STAT4: variants seen among roughly 807,000 people sequenced by gnomAD.
STAT4 encodes signal transducer and activator of transcription 4.
A neutral mutation model predicts 110.5 loss-of-function variants in STAT4; 42 were observed. The ratio of observed to expected loss-of-function variants is 0.38; its 90% CI spans 0.30 to 0.49. The LOEUF is 0.49. Among genes scored for constraint, STAT4 ranks in the 20% least tolerant of loss-of-function variants. STAT4 has a pLI of 0.95. For missense variants in STAT4, 632 were observed against 887.9 expected (o/e 0.71, Z 3.66); for synonymous variants, 284 against 302.2 (o/e 0.94, Z 0.63).
intron 3 of STAT4, among the ~76,000 whole-genome samples, chr2:191,145,731 A>G (rs1027285716): frequency 7.9e-5 from 12 of 152,216 alleles, no homozygotes. Context: ...AAATGTGTTA[A>G]TTGTAGGTTT....
chr2:191,119,478 T>C (rs1698660766), intron 3 of STAT4, among the ~76,000 whole-genome samples: 1 of 152,162 alleles, frequency 6.6e-6, no homozygotes, highest in Non-Finnish European at 1.5e-5. Flanking sequence ...TCATAAGACA[T>C]GAAAGACTTA....
chr2:191,101,689 A>AT (rs966537417), intron 3 of STAT4, among the ~76,000 whole-genome samples: 112 of 151,326 alleles, frequency 7.4e-4, no homozygotes, highest in African/African-American at 2.3e-3. Context: ...ACTACTGGTC[A>AT]TTTTTTTTTG....
intron 1 of STAT4, among the ~76,000 whole-genome samples, chr2:191,149,901 G>GTTTTAGT (rs1186478131): frequency 6.6e-6 from 1 of 152,112 alleles, no homozygotes; most frequent in Admixed American, 6.5e-5. Flanking sequence ...AAACTTACAG[G>GTTTTAGT]TAGATGGGAG....
upstream of STAT4, chr2:191,151,071 T>C: frequency 1.0e-6 from 1 of 985,478 alleles, no homozygotes; most frequent in Non-Finnish European, 1.2e-6. This position sits in a 1 kb window ranked among gnomAD's most constrained non-coding sequence, Gnocchi z 4.7. Context: ...CTCCTCCCAC[T>C]TGAGGCTTTC....
At chr2:191,052,511 CAG>C (rs1415845058) in intron 14 of STAT4, among the ~76,000 whole-genome samples, 2 of 152,116 alleles carry the variant, frequency 1.3e-5, no homozygotes, top group African/African-American at 2.4e-5. Flanking sequence ...GTTAATAACA[CAG>C]TGGTTGGTTT....
rs1418904035 is a variant in STAT4, at chr2:191,146,572, CAT to C, written c.273+39_273+40del. The C allele has an allele frequency of 1.4e-6, 2 of 1,414,150 alleles. No individual in the cohort carries two copies. The highest frequency in any genetic ancestry group is 1.9e-6 in the Non-Finnish European group (2 of 1,074,238). 87.6% of individuals were successfully genotyped at this position (1,414,150 alleles called of 1,614,324 possible). ...TTAATTTTTAACTAAATTTAAGACT[CAT>C]ATATCCAAATATTTTGGAAAAGTAG... On this transcript the variant is annotated intron_variant, in intron 3 of 23. Transcript: ENST00000392320. This position sits in a 1 kb window ranked among gnomAD's most constrained non-coding sequence, Gnocchi z 4.5.
intron 3 of STAT4, among the ~76,000 whole-genome samples, chr2:191,097,510 G>C (rs1698025963): frequency 6.6e-6 from 1 of 152,080 alleles, no homozygotes; most frequent in African/African-American, 2.4e-5. Flanking sequence ...AGAAAAACAA[G>C]AAATGGGGAA....
intron 3 of STAT4, among the ~76,000 whole-genome samples, chr2:191,092,288 C>T (rs1697822340): frequency 6.6e-6 from 1 of 152,102 alleles, no homozygotes; most frequent in South Asian, 2.1e-4. Context: ...CCTGTAATCC[C>T]AGCTACTGAG....
At chr2:191,106,414 C>T (rs1698282443) in intron 3 of STAT4, among the ~76,000 whole-genome samples, 2 of 150,790 alleles carry the variant, frequency 1.3e-5, no homozygotes, top group East Asian at 3.9e-4. Context: ...AATTCCAGCA[C>T]TTTGGAATGC....
rs1242886564 is a variant in STAT4, at chr2:191,089,536, T to C, written c.274-13211A>G. ...AACTAAACATACTCTTGTAATATGATTCAGCAATTGCACCCCTTGGTATTT... is the reference window on the plus strand; with the variant it reads ...AACTAAACATACTCTTGTAATATGACTCAGCAATTGCACCCCTTGGTATTT... On this transcript the variant is annotated intron_variant, in intron 3 of 23. Transcript: ENST00000392320. Among the ~76,000 whole-genome samples, 4 of 152,216 alleles carry C rather than the reference T, an allele frequency of 2.6e-5. No individual in the cohort carries two copies. In the East Asian group the frequency reaches 7.7e-4, roughly 29 times the overall value.
intron 14 of STAT4, among the ~76,000 whole-genome samples, chr2:191,048,722 G>A (rs1266234623): frequency 1.4e-5 from 2 of 140,536 alleles, no homozygotes; most frequent in Admixed American, 7.6e-5. Flanking sequence ...GGAGGCGGAG[G>A]TTGCAGTGAG....
intron 3 of STAT4, among the ~76,000 whole-genome samples, chr2:191,133,685 C>A (rs1256999331): frequency 6.6e-6 from 1 of 151,330 alleles, no homozygotes; most frequent in Non-Finnish European, 1.5e-5. Context: ...TTTCTTAAGT[C>A]ATTCTATCTG....
In STAT4 at chr2:191,066,665, C is replaced by T. The variant is rs1696995561; in HGVS notation, c.545-150G>A. The T allele has an allele frequency of 4.9e-6, 3 of 615,830 alleles. No individual in the cohort carries two copies. Among genetic ancestry groups the T allele is most frequent in the Non-Finnish European group, 8.3e-6 (3 of 359,634 alleles). 38.1% of individuals were successfully genotyped at this position (615,830 alleles called of 1,614,324 possible). On this transcript the variant is annotated intron_variant, in intron 6 of 23. Transcript: ENST00000392320. This position sits in a 1 kb window ranked among gnomAD's most constrained non-coding sequence, Gnocchi z 4.3. ...ACTAGAGGTGAGCTTGGAAGTCTGTCTGCTCATTTTGCCAGGGAGAATCAC... is the reference window on the plus strand; with the variant it reads ...ACTAGAGGTGAGCTTGGAAGTCTGTTTGCTCATTTTGCCAGGGAGAATCAC...
At chr2:191,127,199 T>C (rs974489361) in intron 3 of STAT4, among the ~76,000 whole-genome samples, 1 of 152,192 alleles carries the variant, frequency 6.6e-6, no homozygotes, top group Non-Finnish European at 1.5e-5. Flanking sequence ...TGGGTCTTCC[T>C]AGAGAGAAAA....
chr2:191,058,830 T>G lies in STAT4; in HGVS notation c.1035-61A>C. The G allele has an allele frequency of 1.0e-6, 1 of 964,586 alleles. No individual in the cohort carries two copies. The highest frequency in any genetic ancestry group is 2.7e-5 in the East Asian group (1 of 37,634). 59.8% of individuals were successfully genotyped at this position (964,586 alleles called of 1,614,324 possible). ...AAAATTAAAAGTGTTTAAAAACCCT[T>G]TTTTATATTTAAACATTTAAATATA... On this transcript the variant is annotated intron_variant, in intron 10 of 23. Transcript: ENST00000392320. The surrounding 1 kb of genome is among the most constrained non-coding windows in gnomAD (Gnocchi z 4.3).
In STAT4 at chr2:191,066,416, A is replaced by G. The variant is rs1399508348; in HGVS notation, c.630+14T>C. The G allele has an allele frequency of 1.9e-6, 3 of 1,610,704 alleles. No individual in the cohort carries two copies. In the African/African-American group the frequency reaches 4.0e-5, roughly 21 times the overall value. ...AAAAATAGGCAAAAGCCCAAATTAA[A>G]ATTCTTCACTAACCTTTCTCTTGAA... is the stretch of plus-strand genomic sequence containing the variant. On this transcript the variant is annotated intron_variant, in intron 7 of 23. Transcript: ENST00000392320. This position sits in a 1 kb window ranked among gnomAD's most constrained non-coding sequence, Gnocchi z 4.3.
At chr2:191,081,044 A>G (rs1408620870) in intron 3 of STAT4, among the ~76,000 whole-genome samples, 1 of 152,120 alleles carries the variant, frequency 6.6e-6, no homozygotes, top group Non-Finnish European at 1.5e-5. Flanking sequence ...ACCTGTGTCC[A>G]TATATTCTCA....
intron 3 of STAT4, among the ~76,000 whole-genome samples, chr2:191,132,271 C>T (rs973648869): frequency 6.6e-6 from 1 of 151,734 alleles, no homozygotes; most frequent in African/African-American, 2.4e-5. Context: ...TGGCCTAATA[C>T]TTCTCCCGTA....
In STAT4 at chr2:191,135,150, C is replaced by T. The variant is rs1399287699; in HGVS notation, c.273+11463G>A. 6.6e-6 allele frequency among the ~76,000 whole-genome samples: 1 copy of T among 151,948 alleles called. No homozygotes were observed. Among genetic ancestry groups the T allele is most frequent in the East Asian group, 1.9e-4 (1 of 5,192 alleles). ...GTTTTGAAAAGATAAAATCAATAAACAACTTGCTAGACTAACCATAAAAAA... is the reference window on the plus strand; with the variant it reads ...GTTTTGAAAAGATAAAATCAATAAATAACTTGCTAGACTAACCATAAAAAA... On this transcript the variant is annotated intron_variant, in intron 3 of 23. Transcript: ENST00000392320. This position sits in a 1 kb window ranked among gnomAD's most constrained non-coding sequence, Gnocchi z 4.8.
Sources: allele counts gnomAD v4.1 joint callset (sites outside exome capture counted in the v4.1 genomes callset), GRCh38; gene constraint gnomAD v4.1.1; non-coding constraint Gnocchi (gnomAD v3.1); transcripts MANE v1.5; gene names NCBI Gene and HGNC (gene_info 2026-07-23, HGNC 2026-07-21).